The following CYP2E1 variants were observed in gnomAD, a reference collection of about 807,000 sequenced individuals.
CYP2E1 encodes the protein cytochrome P450 family 2 subfamily E member 1, also known as cytochrome P450 2E1.
In CYP2E1, 31 loss-of-function variants were observed where a neutral mutation model predicts 42.9. That is an observed-to-expected ratio of 0.72 (90% confidence interval 0.54 to 0.98). The LOEUF (loss-of-function observed/expected upper bound fraction) is 0.98, where lower values mean the gene tolerates loss of function less well. Ranked by LOEUF, CYP2E1 falls within the 50% of genes least tolerant of loss-of-function variation. The pLI is 0.00. For missense variants in CYP2E1, 565 were observed against 633.2 expected (o/e 0.89, Z 1.16); for synonymous variants, 244 against 248.9 (o/e 0.98, Z 0.19).
rs35844228 is a variant in CYP2E1 at position 133,528,517 on chromosome 10, G to T, written c.214G>T (p.Val72Leu). 18 of 1,613,480 alleles carry T rather than the reference G, an allele frequency of 1.1e-5. No homozygotes were observed. In the East Asian group the frequency reaches 4.0e-4, roughly 36 times the overall value. The stretch of plus-strand genomic sequence containing the variant: ...CTTCGGGCCGGTGTTCACGCTGTAC[G>T]TGGGCTCGCAGCGCATGGTGGTGAT... ...QRFGPVFTLY[V>L]GSQRMVVMHG... Residue 72 changes from valine (V) to leucine (L), a missense_variant, in exon 2 of 9, where the codon GTG becomes TTG. Transcript: ENST00000252945.
intron 7 of CYP2E1, 154 bp downstream of exon 7, chr10:133,537,404 G>A (rs866847732): frequency 5.5e-6 from 4 of 727,066 alleles, no homozygotes; most frequent in Middle Eastern, 7.6e-4. Context: ...GTGGGATACT[G>A]CATCTCCAGG....
chr10:133,532,841 C>A lies in CYP2E1; in HGVS notation c.798C>A (p.Thr266=), dbSNP rs1050044393. The change falls in exon 5 of 9, where the codon ACC becomes ACA. Residue 266 remains threonine (T), a synonymous_variant. Transcript: ENST00000252945. The stretch of plus-strand genomic sequence containing the variant: ...ACCCCAACTGTCCCCGGGACCTCAC[C>A]GACTGCCTGCTCGTGGAAATGGAGA... The part of the protein sequence containing the change: ...SLDPNCPRDL[T]DCLLVEMEKE... 1.2e-6 allele frequency: 2 copies of A among 1,608,114 alleles called. No individual in the cohort carries two copies. The highest frequency in any genetic ancestry group is 1.8e-4 in the Middle Eastern group (1 of 5,594).
intron 6 of CYP2E1, among the ~76,000 whole-genome samples, chr10:133,534,664 G>A (rs750468663): frequency 6.6e-6 from 1 of 152,214 alleles, no homozygotes; most frequent in Non-Finnish European, 1.5e-5. Context: ...GCCCGAGGCA[G>A]TTCACAGCCT....
At chr10:133,532,048 C>A (rs1406656444) in intron 3 of CYP2E1, 76 bp from the exon 4 acceptor site, 2 of 1,395,104 alleles carry the variant, frequency 1.4e-6, no homozygotes, top group African/African-American at 1.4e-5. Context: ...CCTTGGTGAA[C>A]CTCAGTGGGT....
At position 133,532,685 on chromosome 10, in the gene CYP2E1, T is replaced by A; in HGVS notation, c.649-7T>A. 2 of 1,582,714 alleles carry A rather than the reference T, an allele frequency of 1.3e-6. No individual in the cohort carries two copies. Among genetic ancestry groups the A allele is most frequent in the Non-Finnish European group, 1.7e-6 (2 of 1,168,254 alleles). ...AAAAGTAGTAAAATATTTTTTTCCC[T>A]CTCTAGCTTTACAATAATTTTCCCA... On this transcript the variant is annotated splice_polypyrimidine_tract_variant and splice_region_variant and intron_variant, in intron 4 of 8. Coordinates refer to ENST00000252945, the MANE Select transcript of CYP2E1 (RefSeq NM_000773.4).
At position 133,537,003 on chromosome 10, in the gene CYP2E1, G is replaced by A. The variant is rs1851413885; in HGVS notation, c.968-60G>A. On this transcript the variant is annotated intron_variant, in intron 6 of 8. Coordinates refer to ENST00000252945, the MANE Select transcript of CYP2E1 (RefSeq NM_000773.4). Reference sequence around the variant, plus strand: ...GATTGAATAGATGGGTGGATGATGGGTGGATGCCCAACTGGCCAGGAACCA... The same window carrying A: ...GATTGAATAGATGGGTGGATGATGGATGGATGCCCAACTGGCCAGGAACCA... 2.6e-5 allele frequency: 40 copies of A among 1,515,866 alleles called. No homozygotes were observed. The South Asian group carries it at 4.3e-4, about 16-fold the overall frequency. 93.9% of individuals were successfully genotyped at this position (1,515,866 alleles called of 1,614,324 possible). A position where few individuals can be genotyped will look rare whatever the true frequency, so the allele number is the denominator to read the frequency against.
At position 133,532,879 on chromosome 10, in the gene CYP2E1, C is replaced by T. The variant is rs370971815; in HGVS notation, c.825+11C>T. 1.3e-5 allele frequency: 21 copies of T among 1,593,918 alleles called. No homozygotes were observed. The highest frequency in any genetic ancestry group is 6.0e-6 in the Non-Finnish European group (7 of 1,173,896). ...GTGGAAATGGAGAAGGTAGGCTCGG[C>T]CCTCCCATGATGTGGGCTCTCCGGG... On this transcript the variant is annotated intron_variant, in intron 5 of 8. Coordinates refer to ENST00000252945, the MANE Select transcript of CYP2E1 (RefSeq NM_000773.4).
intron 2 of CYP2E1, among the ~76,000 whole-genome samples, chr10:133,530,251 T>C (rs1851321052): frequency 6.6e-6 from 1 of 152,208 alleles, no homozygotes; most frequent in Admixed American, 6.5e-5. Flanking sequence ...TGTGTGATAA[T>C]GTGTCAAGGG....
intron 4 of CYP2E1, 66 bp downstream of exon 4, chr10:133,532,350 T>A: frequency 2.0e-6 from 3 of 1,527,144 alleles, no homozygotes; most frequent in Non-Finnish European, 2.7e-6. Context: ...AGAAGGAAAA[T>A]TTGGGTTATA....
At chr10:133,535,023 C>T (rs1483996834) in intron 6 of CYP2E1, among the ~76,000 whole-genome samples, 1 of 151,886 alleles carries the variant, frequency 6.6e-6, no homozygotes, top group Non-Finnish European at 1.5e-5. Flanking sequence ...ACCACCACAC[C>T]CAGCTGATTA....
In CYP2E1 at chr10:133,538,908, A is replaced by ATTGGG. The variant is rs1456105148; in HGVS notation, c.1429_1433dup (p.Phe478LeufsTer63). On this transcript the variant is annotated frameshift_variant, in exon 9 of 9. Transcript: ENST00000252945. LOFTEE classifies it high-confidence loss of function. ...GGATATCGACCTCAGCCCTATACAT[A>ATTGGG]TTGGGTTTGGCTGTATCCCACCACG... is the stretch of plus-strand genomic sequence containing the variant. 4 of 1,613,648 alleles carry ATTGGG rather than the reference A, an allele frequency of 2.5e-6. No individual in the cohort carries two copies. The highest frequency in any genetic ancestry group is 3.4e-6 in the Non-Finnish European group (4 of 1,179,940).
At chr10:133,528,141 T>G in intron 1 of CYP2E1, 1 of 265,916 alleles carries the variant, frequency 3.8e-6, no homozygotes, top group Admixed American at 4.8e-5. Context: ...CAGAACCGGG[T>G]CCAGAACCTT....
intron 2 of CYP2E1, among the ~76,000 whole-genome samples, chr10:133,529,532 C>T (rs557406730): frequency 2.0e-5 from 3 of 152,398 alleles, no homozygotes; most frequent in Non-Finnish European, 4.4e-5. Context: ...CTTTGCAATG[C>T]TGTGTGGAAT....
At chr10:133,536,410 C>CGGACGGAT (rs1851396431) in intron 6 of CYP2E1, among the ~76,000 whole-genome samples, 1 of 148,868 alleles carries the variant, frequency 6.7e-6, no homozygotes, top group African/African-American at 2.5e-5. Flanking sequence ...GGTGGATGGA[C>CGGACGGAT]GGACGGATGG....
At chr10:133,533,465 T>G (rs2133597020) in intron 5 of CYP2E1, among the ~76,000 whole-genome samples, 1 of 152,304 alleles carries the variant, frequency 6.6e-6, no homozygotes, top group South Asian at 2.1e-4. Context: ...GCCGTTTAGC[T>G]CCTGCCTGAG....
intron 6 of CYP2E1, 56 bp from the exon 7 acceptor site, chr10:133,537,007 A>G (rs1851413957): frequency 2.0e-6 from 3 of 1,536,818 alleles, no homozygotes; most frequent in Non-Finnish European, 2.7e-6. Context: ...TGATGGGTGG[A>G]TGCCCAACTG....
chr10:133,530,443 T>C (rs954899073), intron 2 of CYP2E1, among the ~76,000 whole-genome samples: 3 of 152,122 alleles, frequency 2.0e-5, no homozygotes, highest in Non-Finnish European at 4.4e-5. Flanking sequence ...CCTTTCAGGA[T>C]GAAATGAAAC....
At chr10:133,528,381 T>G (rs1851296279) in intron 1 of CYP2E1, 100 bp from the exon 2 acceptor site, 1 of 1,416,818 alleles carries the variant, frequency 7.1e-7, no homozygotes, top group Non-Finnish European at 9.7e-7. Context: ...CTCTGGGTTC[T>G]CTAGAGCAAC....
chr10:133,534,019 T>A, intron 6 of CYP2E1, 122 bp downstream of exon 6: 1 of 1,063,188 alleles, frequency 9.4e-7, no homozygotes, highest in Non-Finnish European at 1.4e-6. Flanking sequence ...GGTGATGTGG[T>A]GAGATGGCTA....
Sources: gnomAD v4.1 joint callset for allele counts (sites outside exome capture counted in the v4.1 genomes callset) on GRCh38, gnomAD v4.1.1 for gene constraint, MANE v1.5 for transcripts, NCBI Gene and HGNC (gene_info 2026-07-23, HGNC 2026-07-21) for gene names.